The following GUCY1A2 variants were observed in gnomAD, a reference collection of about 807,000 sequenced individuals.
GUCY1A2 encodes guanylate cyclase 1 soluble subunit alpha 2.
A neutral mutation model predicts 63.5 loss-of-function variants in GUCY1A2; 27 were observed. The observed-to-expected ratio is 0.43, with a 90% CI of 0.31 to 0.59. The LOEUF (loss-of-function observed/expected upper bound fraction) is 0.59, where lower values mean the gene tolerates loss of function less well. GUCY1A2 is among the 20% of genes least tolerant of loss of function. GUCY1A2 has a pLI of 0.11. For missense variants in GUCY1A2, 768 were observed against 913.3 expected (o/e 0.84, Z 2.05); for synonymous variants, 364 against 343.5 (o/e 1.06, Z -0.66).
At chr11:106,691,532 A>G (rs1862625669) in intron 7 of GUCY1A2, among the ~76,000 whole-genome samples, 2 of 152,188 alleles carry the variant, frequency 1.3e-5, no homozygotes, top group Non-Finnish European at 1.5e-5. Flanking sequence ...GAGATTTTTC[A>G]ACCCAAAACA....
chr11:106,708,478 C>CAGAGGCA, intron 7 of GUCY1A2, 34 bp downstream of exon 7: 6 of 1,578,130 alleles, frequency 3.8e-6, no homozygotes, highest in Non-Finnish European at 5.2e-6. Context: ...AAACAAAGGC[C>CAGAGGCA]AAGACAGGAA....
intron 4 of GUCY1A2, among the ~76,000 whole-genome samples, chr11:106,821,224 T>C (rs1417391225): frequency 6.6e-6 from 1 of 152,214 alleles, no homozygotes; most frequent in Non-Finnish European, 1.5e-5. Context: ...ATGAAATGTT[T>C]ATGTTTTGCT....
chr11:106,848,754 T>A (rs1859312699), intron 4 of GUCY1A2, among the ~76,000 whole-genome samples: 1 of 151,682 alleles, frequency 6.6e-6, no homozygotes, highest in Non-Finnish European at 1.5e-5. Flanking sequence ...GGGAAAAGTG[T>A]GCTGCCTGCC....
chr11:106,713,016 A>T (rs148038808), intron 6 of GUCY1A2, among the ~76,000 whole-genome samples: 1 of 152,244 alleles, frequency 6.6e-6, no homozygotes, highest in Non-Finnish European at 1.5e-5. Flanking sequence ...TATGACCTTT[A>T]GCCTCCTTGG....
chr11:106,910,126 T>C (rs148015126), intron 4 of GUCY1A2, among the ~76,000 whole-genome samples: 72 of 152,148 alleles, frequency 4.7e-4, no homozygotes, highest in African/African-American at 1.6e-3. Flanking sequence ...ATGAATTCCA[T>C]CAATAAATTT....
intron 4 of GUCY1A2, among the ~76,000 whole-genome samples, chr11:106,897,635 G>C (rs1860069650): frequency 6.6e-6 from 1 of 151,316 alleles, no homozygotes; most frequent in African/African-American, 2.4e-5. Context: ...AATGGTGCTA[G>C]AACAACTGGA....
At chr11:106,870,908 T>G (rs1286449240) in intron 4 of GUCY1A2, among the ~76,000 whole-genome samples, 4 of 152,166 alleles carry the variant, frequency 2.6e-5, no homozygotes, top group Non-Finnish European at 5.9e-5. Flanking sequence ...CTTCCCCCTA[T>G]TCTTGCTTTC....
At chr11:106,750,311 T>C (rs1863861062) in intron 6 of GUCY1A2, among the ~76,000 whole-genome samples, 5 of 152,118 alleles carry the variant, frequency 3.3e-5, no homozygotes, top group Non-Finnish European at 7.4e-5. Context: ...TGGCAGCTGA[T>C]TGGATGATGC....
intron 4 of GUCY1A2, among the ~76,000 whole-genome samples, chr11:106,894,399 G>A (rs1457529552): frequency 6.6e-6 from 1 of 152,100 alleles, no homozygotes; most frequent in African/African-American, 2.4e-5. Context: ...GATCTAACAC[G>A]CAGAACATCA....
intron 4 of GUCY1A2, among the ~76,000 whole-genome samples, chr11:106,900,010 C>T (rs993402735): frequency 2.7e-5 from 4 of 148,174 alleles, no homozygotes; most frequent in African/African-American, 5.0e-5. Context: ...GGCGTGAACC[C>T]GGGAGGCAGA....
chr11:106,759,754 C>A (rs541618749), intron 6 of GUCY1A2, among the ~76,000 whole-genome samples: 1 of 152,054 alleles, frequency 6.6e-6, no homozygotes, highest in Non-Finnish European at 1.5e-5. Flanking sequence ...CCCAACGTGG[C>A]GAAACCCTGT....
chr11:106,943,867 C>G lies in GUCY1A2; in HGVS notation c.488-3689G>C, dbSNP rs184653810. 2.9e-3 allele frequency among the ~76,000 whole-genome samples: 442 copies of G among 152,080 alleles called. 15 individuals carry two copies. The highest frequency in any genetic ancestry group is 1.9e-3 in the East Asian group (10 of 5,158). The stretch of plus-strand genomic sequence containing the variant: ...CACGGAAGTAGAAGAAAAACAGTAT[C>G]TGCCTCTCCTCAGAGAGACAATGTT... On this transcript the variant is annotated intron_variant, in intron 3 of 7. Transcript: ENST00000526355.
Position 106,939,726 on chromosome 11 carries a change from C to A in GUCY1A2, c.940G>T (p.Ala314Ser). Reference sequence around the variant, plus strand: ...GTGTTGATGCTAATTCTGAGGTCCGCAGGAACTTGGGAGGTTCCCTGTGGA... The same window carrying A: ...GTGTTGATGCTAATTCTGAGGTCCGAAGGAACTTGGGAGGTTCCCTGTGGA... ...NLPQGTSQVP[A>S]DLRISINTFC... Residue 314 changes from alanine to serine, a missense_variant, in exon 4 of 8, where the codon GCG (alanine) becomes TCG (serine). Coordinates refer to ENST00000526355, the MANE Select transcript of GUCY1A2 (RefSeq NM_000855.3). The A allele has an allele frequency of 6.2e-7, 1 of 1,613,842 alleles. No homozygotes were observed. The highest frequency in any genetic ancestry group is 8.5e-7 in the Non-Finnish European group (1 of 1,179,744).
chr11:106,953,406 G>A (rs1016120167), intron 3 of GUCY1A2, among the ~76,000 whole-genome samples: 2 of 152,118 alleles, frequency 1.3e-5, no homozygotes, highest in African/African-American at 2.4e-5. Context: ...TTTTTGATGT[G>A]CTGCTCATTC....
chr11:106,698,761 A>T (rs1246906730), intron 7 of GUCY1A2, among the ~76,000 whole-genome samples: 1 of 152,242 alleles, frequency 6.6e-6, no homozygotes, highest in Non-Finnish European at 1.5e-5. Context: ...AACCTAGTTT[A>T]TAAGTACATG....
At chr11:106,854,559 T>C (rs1591302941) in intron 4 of GUCY1A2, among the ~76,000 whole-genome samples, 1 of 152,110 alleles carries the variant, frequency 6.6e-6, no homozygotes, top group African/African-American at 2.4e-5. Flanking sequence ...AGCGGGGTAG[T>C]ACCACGTAAG....
chr11:106,938,695 T>C (rs755014017), intron 4 of GUCY1A2, among the ~76,000 whole-genome samples: 26 of 152,222 alleles, frequency 1.7e-4, no homozygotes, highest in Non-Finnish European at 2.5e-4. Flanking sequence ...CATTTTATTA[T>C]CTATTTTAAT....
chr11:106,734,595 A>T (rs1035773212), intron 6 of GUCY1A2, among the ~76,000 whole-genome samples: 7 of 152,106 alleles, frequency 4.6e-5, no homozygotes, highest in Non-Finnish European at 1.0e-4. Context: ...TATATTTTTT[A>T]TTATATTCAT....
chr11:106,814,888 C>T (rs1260382857), intron 4 of GUCY1A2, among the ~76,000 whole-genome samples: 1 of 151,890 alleles, frequency 6.6e-6, no homozygotes, highest in African/African-American at 2.4e-5. Context: ...AGAAAGTCAA[C>T]CATCATAAGA....
Sources: gnomAD v4.1 joint callset for allele counts (sites outside exome capture counted in the v4.1 genomes callset) on GRCh38, gnomAD v4.1.1 for gene constraint, MANE v1.5 for transcripts, NCBI Gene and HGNC (gene_info 2026-07-23, HGNC 2026-07-21) for gene names.